Variants in IGFBP2 observed in about 807,000 individuals in gnomAD.
IGFBP2 encodes insulin-like growth factor-binding protein 2.
Under a neutral mutation model 26.2 loss-of-function variants are expected in IGFBP2, and 12 were observed. That is an observed-to-expected ratio of 0.46 (90% CI 0.29 to 0.74). The LOEUF is 0.74. Ranked by LOEUF, IGFBP2 falls within the 30% of genes least tolerant of loss-of-function variation. The pLI is 0.09. For synonymous variants in IGFBP2, 189 were observed against 200.6 expected, an observed-to-expected ratio of 0.94 and a Z score of 0.49; for missense variants, 328 against 441.2, an observed-to-expected ratio of 0.74 and a Z score of 2.30.
Position 216,633,483 on chromosome 2 carries a change from C to A in IGFBP2, c.-41C>A. The A allele has an allele frequency of 1.9e-6, 1 of 520,424 alleles. No homozygotes were observed. The highest frequency in any genetic ancestry group is 2.5e-6 in the Non-Finnish European group (1 of 402,474). The allele number at this position is 520,424 out of a possible 1,614,324, so 32.2% of individuals were successfully genotyped here. A position where few individuals can be genotyped will look rare whatever the true frequency, so the allele number is the denominator to read the frequency against. Reference sequence around the variant, plus strand: ...GCCGTGCCACCTGCCCGCCCGCCCGCTCGCTCGCTCGCCCGCCGCGCCGCG... The same window carrying A: ...GCCGTGCCACCTGCCCGCCCGCCCGATCGCTCGCTCGCCCGCCGCGCCGCG... On this transcript the variant is annotated 5_prime_UTR_variant, in exon 1 of 4. Coordinates refer to ENST00000233809, the MANE Select transcript of IGFBP2 (RefSeq NM_000597.3).
chr2:216,633,549 C>A lies in IGFBP2; in HGVS notation c.26C>A (p.Ala9Glu). Residue 9 changes from alanine to glutamate, a missense_variant, in exon 1 of 4, where the codon GCG (alanine) becomes GAG (glutamate). Transcript: ENST00000233809. The part of the protein sequence containing the change: MLPRVGCP[A>E]LPLPPPPLLP... ...ATGCTGCCGAGAGTGGGCTGCCCCG[C>A]GCTGCCGCTGCCGCCGCCGCCGCTG... is the stretch of plus-strand genomic sequence containing the variant. 1 of 920,642 alleles carries A rather than the reference C, an allele frequency of 1.1e-6. No individual in the cohort carries two copies. Among genetic ancestry groups the A allele is most frequent in the Admixed American group, 6.5e-5 (1 of 15,492 alleles). The allele number at this position is 920,642 out of a possible 1,614,324, so 57.0% of individuals were successfully genotyped here. A position where few individuals can be genotyped will look rare whatever the true frequency, so the allele number is the denominator to read the frequency against.
chr2:216,641,572 G>A (rs562058224), intron 1 of IGFBP2, among the ~76,000 whole-genome samples: 2 of 152,204 alleles, frequency 1.3e-5, no homozygotes, highest in African/African-American at 2.4e-5. Context: ...TATGGAAAGG[G>A]CAATGAAACT....
At chr2:216,661,556 G>A in intron 2 of IGFBP2, 1 of 468,106 alleles carries the variant, frequency 2.1e-6, no homozygotes, top group Non-Finnish European at 4.0e-6. Flanking sequence ...ACTCGAGACG[G>A]CCACTTAGAT....
chr2:216,644,129 G>A (rs776658329), intron 1 of IGFBP2, among the ~76,000 whole-genome samples: 4 of 151,200 alleles, frequency 2.6e-5, no homozygotes, highest in South Asian at 2.1e-4. Flanking sequence ...CAGCCCTCCC[G>A]GAAAGAAATA....
chr2:216,658,805 G>C (rs748871506), intron 1 of IGFBP2, among the ~76,000 whole-genome samples: 65 of 152,126 alleles, frequency 4.3e-4, no homozygotes, highest in Non-Finnish European at 7.1e-4. Context: ...ACATGCCTCA[G>C]CCTCCCAAAG....
chr2:216,635,829 T>C (rs936909363), intron 1 of IGFBP2, among the ~76,000 whole-genome samples: 1 of 152,122 alleles, frequency 6.6e-6, no homozygotes, highest in South Asian at 2.1e-4. Flanking sequence ...CTGGATTTTC[T>C]GCCTGGTTAT....
chr2:216,661,805 T>C lies in IGFBP2; in HGVS notation c.673-53T>C, dbSNP rs754093992. 1.9e-6 allele frequency: 3 copies of C among 1,610,442 alleles called. No homozygotes were observed. The South Asian group carries it at 3.3e-5, about 18-fold the overall frequency. Reference sequence around the variant, plus strand: ...CGCTGAGCTTGCGTCTGGCGCGTGCTTCGTGGGCCTGCTGTCCTCACTCCG... The same window carrying C: ...CGCTGAGCTTGCGTCTGGCGCGTGCCTCGTGGGCCTGCTGTCCTCACTCCG... On this transcript the variant is annotated intron_variant, in intron 2 of 3. Transcript: ENST00000233809.
chr2:216,657,032 G>A (rs564334699), intron 1 of IGFBP2, among the ~76,000 whole-genome samples: 2 of 152,294 alleles, frequency 1.3e-5, no homozygotes, highest in Admixed American at 1.3e-4. Context: ...TCGGGTGAGG[G>A]CGAACTGGAG....
chr2:216,634,906 T>TTTTTTTTAA (rs371560018), intron 1 of IGFBP2, among the ~76,000 whole-genome samples: 3 of 128,520 alleles, frequency 2.3e-5, no homozygotes, highest in South Asian at 5.1e-4. Context: ...TTTTTTTTTT[T>TTTTTTTTAA]AATTACGAAA....
chr2:216,639,667 G>A (rs754418420), intron 1 of IGFBP2, among the ~76,000 whole-genome samples: 25 of 151,430 alleles, frequency 1.7e-4, no homozygotes, highest in Non-Finnish European at 3.1e-4. Context: ...TTTCAAGACC[G>A]AGTTTTGCTC....
At chr2:216,636,280 C>T (rs1029656032) in intron 1 of IGFBP2, among the ~76,000 whole-genome samples, 3 of 152,170 alleles carry the variant, frequency 2.0e-5, no homozygotes, top group African/African-American at 4.8e-5. Flanking sequence ...TGAGCACCCC[C>T]CCTCCAGCCT....
At chr2:216,658,789 T>G (rs561918157) in intron 1 of IGFBP2, among the ~76,000 whole-genome samples, 1 of 152,156 alleles carries the variant, frequency 6.6e-6, no homozygotes, top group East Asian at 1.9e-4. Context: ...TGACCTCAAG[T>G]GATCCACATG....
chr2:216,633,575 C>CTGCCGCCGA lies in IGFBP2; in HGVS notation c.58_59insCGATGCCGC (p.Pro19_Leu20insProMetPro). Reference sequence around the variant, plus strand: ...GCTGCCGCTGCCGCCGCCGCCGCTGCTGCCGCTGCTGCTGCTGCTACTGGG... The same window carrying CTGCCGCCGA: ...GCTGCCGCTGCCGCCGCCGCCGCTGCTGCCGCCGATGCCGCTGCTGCTGCTGCTACTGGG... On this transcript the variant is annotated inframe_insertion, in exon 1 of 4. Transcript: ENST00000233809. 9.8e-7 allele frequency: 1 copy of CTGCCGCCGA among 1,015,922 alleles called. No individual in the cohort carries two copies. Among genetic ancestry groups the CTGCCGCCGA allele is most frequent in the Non-Finnish European group, 1.2e-6 (1 of 853,132 alleles). 62.9% of individuals were successfully genotyped at this position (1,015,922 alleles called of 1,614,324 possible).
At chr2:216,660,373 T>A (rs1444175752) in intron 1 of IGFBP2, among the ~76,000 whole-genome samples, 184 bp from the exon 2 acceptor site, 2 of 151,992 alleles carry the variant, frequency 1.3e-5, no homozygotes, top group Admixed American at 1.3e-4. Context: ...CACCTAAGAG[T>A]TAGGGTGAAG....
At chr2:216,657,068 A>G (rs1697934807) in intron 1 of IGFBP2, among the ~76,000 whole-genome samples, 1 of 152,076 alleles carries the variant, frequency 6.6e-6, no homozygotes, top group East Asian at 1.9e-4. Context: ...TGTCTTTCTC[A>G]TTTTGATCCT....
intron 1 of IGFBP2, among the ~76,000 whole-genome samples, chr2:216,640,068 C>G (rs961061109): frequency 3.3e-5 from 5 of 152,130 alleles, no homozygotes; most frequent in Admixed American, 1.3e-4. Flanking sequence ...CCCTGCAGAC[C>G]ATTCTTTCCT....
At chr2:216,658,187 C>A (rs1031408053) in intron 1 of IGFBP2, among the ~76,000 whole-genome samples, 7 of 152,174 alleles carry the variant, frequency 4.6e-5, no homozygotes, top group African/African-American at 1.7e-4. Flanking sequence ...TGCATTCCTT[C>A]TTTGTCCCTT....
chr2:216,659,144 A>C (rs79218491), intron 1 of IGFBP2, among the ~76,000 whole-genome samples: 3,694 of 152,270 alleles, frequency 0.024, 131 homozygotes, highest in African/African-American at 0.079. Context: ...AAGGACAGGG[A>C]CAGACCCCCA....
Position 216,658,575 on chromosome 2 carries a change from T to C in IGFBP2, c.443-1982T>C, listed in dbSNP as rs547738167. On this transcript the variant is annotated intron_variant, in intron 1 of 3. Coordinates refer to ENST00000233809, the MANE Select transcript of IGFBP2 (RefSeq NM_000597.3). ...ATTTATTTATTTATTTTTGAGGCAG[T>C]GTCTTGCTCTGTCGCCCAGGCTGGA... Among the ~76,000 whole-genome samples the C allele has an allele frequency of 2.3e-4, 35 of 152,196 alleles. No individual in the cohort carries two copies. In the East Asian group the frequency reaches 3.5e-3, roughly 15 times the overall value.
Sources: gnomAD v4.1 joint callset for allele counts (sites outside exome capture counted in the v4.1 genomes callset) on GRCh38, gnomAD v4.1.1 for gene constraint, MANE v1.5 for transcripts, NCBI Gene and HGNC (gene_info 2026-07-23, HGNC 2026-07-21) for gene names.